SEC16A: variants seen among roughly 807,000 people sequenced by gnomAD.
The protein encoded by SEC16A is protein transport protein Sec16A.
In SEC16A, 110 loss-of-function variants were observed where a neutral mutation model predicts 221.9. The observed-to-expected ratio is 0.50, with a 90% CI of 0.42 to 0.58. The LOEUF (loss-of-function observed/expected upper bound fraction) is 0.58, where lower values mean the gene tolerates loss of function less well. Among genes scored for constraint, SEC16A ranks in the 20% least tolerant of loss-of-function variants. The pLI is 0.00. For missense variants in SEC16A, 3,165 were observed against 3,097.8 expected, an observed-to-expected ratio of 1.02 and a Z score of -0.52; for synonymous variants, 1,393 against 1,257.7, an observed-to-expected ratio of 1.11 and a Z score of -2.28.
chr9:136,475,471 G>A lies in SEC16A; in HGVS notation c.2145C>T (p.Pro715=), dbSNP rs373364757. ...TCGTTGCTGGGCTCTCACACTTCACGGGCCCCTGGGTCCTGGCTGAAGGCC... is the reference window on the plus strand; with the variant it reads ...TCGTTGCTGGGCTCTCACACTTCACAGGCCCCTGGGTCCTGGCTGAAGGCC... ...EKRPSARTQG[P]VKCESPATTL... Residue 715 remains proline, a synonymous_variant, in exon 3 of 32, where the codon CCC becomes CCT. Transcript: ENST00000684901. This position sits in a 1 kb window ranked among gnomAD's most constrained non-coding sequence, Gnocchi z 5.0. 3.5e-5 allele frequency: 56 copies of A among 1,607,354 alleles called. No individual in the cohort carries two copies. The highest frequency in any genetic ancestry group is 6.8e-5 in the Admixed American group (4 of 59,258).
At chr9:136,467,785 G>A (rs1232568258) in intron 5 of SEC16A, among the ~76,000 whole-genome samples, 2 of 152,176 alleles carry the variant, frequency 1.3e-5, no homozygotes, top group East Asian at 3.8e-4. Flanking sequence ...TATCAAAGAG[G>A]ATATTTGATA....
intron 22 of SEC16A, among the ~76,000 whole-genome samples, chr9:136,451,628 A>G (rs996199861): frequency 6.6e-6 from 1 of 152,160 alleles, no homozygotes; most frequent in Non-Finnish European, 1.5e-5. Flanking sequence ...AGCCAGCCGC[A>G]CTTAATAAGC....
At chr9:136,483,112 G>A, upstream of SEC16A, 2 of 756,720 alleles carry the variant, frequency 2.6e-6, no homozygotes, top group South Asian at 5.8e-5. Context: ...CCCGCCCCTG[G>A]CCCCGCCCCT....
At chr9:136,452,485 G>A (rs1311784144) in intron 22 of SEC16A, among the ~76,000 whole-genome samples, 6 of 115,238 alleles carry the variant, frequency 5.2e-5, no homozygotes, top group Non-Finnish European at 1.3e-4. Context: ...AAAAGAGATG[G>A]CCAGGTGCAG....
chr9:136,443,817 A>G lies in SEC16A; in HGVS notation c.7005+6T>C. 1 of 1,608,778 alleles carries G rather than the reference A, an allele frequency of 6.2e-7. No homozygotes were observed. Among genetic ancestry groups the G allele is most frequent in the Middle Eastern group, 1.7e-4 (1 of 6,026 alleles). ...GGTCTCGTAGGGAAAGGTAGGAGTC[A>G]CTCACCTGTGCCAGCTGAGCAGGGT... On this transcript the variant is annotated splice_donor_region_variant and intron_variant, in intron 31 of 31. Transcript: ENST00000684901.
At position 136,457,558 on chromosome 9, in the gene SEC16A, G is replaced by T. The variant is rs780819379; in HGVS notation, c.5436C>A (p.Arg1812=). The T allele has an allele frequency of 1.2e-6, 2 of 1,611,210 alleles. No individual in the cohort carries two copies. Among genetic ancestry groups the T allele is most frequent in the Admixed American group, 3.4e-5 (2 of 59,688 alleles). ...GCGTGGCCAGCCCCATTTCCGCCAGGCGGCAGGAGTAGATGAACTTAAACA... is the reference window on the plus strand; with the variant it reads ...GCGTGGCCAGCCCCATTTCCGCCAGTCGGCAGGAGTAGATGAACTTAAACA... ...FQVFKFIYSC[R]LAEMGLATQA... Residue 1812 remains arginine (R), a synonymous_variant, in exon 18 of 32, where the codon CGC becomes CGA. Transcript: ENST00000684901.
intron 23 of SEC16A, chr9:136,448,882 C>A: frequency 1.4e-6 from 1 of 701,010 alleles, no homozygotes; most frequent in Non-Finnish European, 2.7e-6. Flanking sequence ...GGAGTTGTTT[C>A]GTTTCAAGGA....
chr9:136,480,747 G>A (rs916129953), intron 1 of SEC16A, among the ~76,000 whole-genome samples: 8 of 152,064 alleles, frequency 5.3e-5, no homozygotes, highest in Admixed American at 3.9e-4. Context: ...AAAATTAGCC[G>A]GGCGTGGTGG....
intron 4 of SEC16A, among the ~76,000 whole-genome samples, chr9:136,469,905 C>T (rs549196059): frequency 3.9e-4 from 59 of 152,302 alleles, no homozygotes; most frequent in African/African-American, 1.3e-3. Context: ...CCCTGCTGAC[C>T]GACAGCCTGA....
rs73566974 is a variant in SEC16A at position 136,468,548 on chromosome 9, A to G, written c.3705-36T>C. The G allele has an allele frequency of 1.1e-3, 1,479 of 1,327,758 alleles. 19 individuals are homozygous for G. The African/African-American group carries it at 0.018, about 16-fold the overall frequency. The allele number at this position is 1,327,758 out of a possible 1,614,324, so 82.2% of individuals were successfully genotyped here. A position where few individuals can be genotyped will look rare whatever the true frequency, so the allele number is the denominator to read the frequency against. On this transcript the variant is annotated intron_variant, in intron 4 of 31. Transcript: ENST00000684901. ...ACACAGTGCTGTTAAAACACAAATT[A>G]CCTATTTCTTAAAGTGTGACATCAG...
rs769208792 is a variant in SEC16A, at chr9:136,475,885, C to T, written c.1731G>A (p.Glu577=). ...CACGGTAATTCTGGCTCACAGTGGT[C>T]TCGTCTGTTTCACCTCCTACGGGAG... ...DSSPVGGETD[E]TTVSQNYRGS... Residue 577 remains glutamate (E), a synonymous_variant, in exon 3 of 32, where the codon GAG becomes GAA. Transcript: ENST00000684901. This position sits in a 1 kb window ranked among gnomAD's most constrained non-coding sequence, Gnocchi z 5.0. The T allele has an allele frequency of 6.2e-7, 1 of 1,605,286 alleles. No individual in the cohort carries two copies.
At position 136,475,978 on chromosome 9, in the gene SEC16A, G is replaced by T. The variant is rs777288814; in HGVS notation, c.1638C>A (p.Phe546Leu). The T allele has an allele frequency of 6.2e-7, 1 of 1,613,360 alleles. No homozygotes were observed. The change falls in exon 3 of 32, where the codon TTC (phenylalanine) becomes TTA (leucine). Residue 546 changes from phenylalanine to leucine, a missense_variant. Physicochemically the swap from Phe to Leu is conservative, Grantham distance 22. This residue lies in a region of SEC16A where 2,030 missense variants were observed against 1,923.1 expected (regional missense o/e 1.06). Coordinates refer to ENST00000684901, the MANE Select transcript of SEC16A (RefSeq NM_014866.2). This position sits in a 1 kb window ranked among gnomAD's most constrained non-coding sequence, Gnocchi z 5.0. Reference protein sequence around the residue: ...SARPQELVGTFIQQEVGKPED... With the variant: ...SARPQELVGTLIQQEVGKPED... ...CGGGTTTTCCAACTTCTTGCTGAAT[G>T]AATGTGCCAACCAGCTCCTGGGGCC... is the stretch of plus-strand genomic sequence containing the variant.
At chr9:136,448,681 A>G (rs1336042952) in intron 23 of SEC16A, 2 of 708,180 alleles carry the variant, frequency 2.8e-6, no homozygotes, top group Non-Finnish European at 5.2e-6. Context: ...GGTGGGGAGC[A>G]GATCCAGAGA....
chr9:136,454,246 A>G lies in SEC16A; in HGVS notation c.5939T>C (p.Leu1980Pro), dbSNP rs1838286991. 1.3e-6 allele frequency: 2 copies of G among 1,577,230 alleles called. No individual in the cohort carries two copies. Among genetic ancestry groups the G allele is most frequent in the Non-Finnish European group, 8.6e-7 (1 of 1,161,876 alleles). The change falls in exon 21 of 32, where the codon CTG (leucine) becomes CCG (proline). Residue 1980 changes from leucine (L) to proline (P), a missense_variant. By Grantham distance (98) the Leu-to-Pro change is moderately conservative. Around this residue, in one of 3 missense-constraint regions of SEC16A, gnomAD observed 1,088 missense variants for 1,089.6 expected, o/e 1.00. Coordinates refer to ENST00000684901, the MANE Select transcript of SEC16A (RefSeq NM_014866.2). Reference protein sequence around the residue: ...MFPVPLPPGPLEPGPGCVTPG... With the variant: ...MFPVPLPPGPPEPGPGCVTPG... ...GGTCACACAGCCAGGACCCGGCTCC[A>G]GGGGCCCCGGGGGCAGTGGCACTGG...
At position 136,466,118 on chromosome 9, in the gene SEC16A, G is replaced by A. The variant is rs760431602; in HGVS notation, c.4147C>T (p.His1383Tyr). ...HSHQSQIYRSHNVAAGSYEAP... is the reference protein window; with the variant it reads ...HSHQSQIYRSYNVAAGSYEAP... ...TCGTAGGAACCGGCAGCCACATTGT[G>A]GCTTCTGTAAATCTGACTCTTAGAA... Residue 1383 changes from histidine to tyrosine, a missense_variant, in exon 8 of 32, where the codon CAC (histidine) becomes TAC (tyrosine). His to Tyr is a moderately conservative substitution (Grantham distance 83, BLOSUM62 2). Coordinates refer to ENST00000684901, the MANE Select transcript of SEC16A (RefSeq NM_014866.2). The surrounding 1 kb of genome is among the most constrained non-coding windows in gnomAD (Gnocchi z 5.5). 163 of 1,601,118 alleles carry A rather than the reference G, an allele frequency of 1.0e-4. 1 individual carries two copies. The highest frequency in any genetic ancestry group is 1.3e-4 in the Non-Finnish European group (153 of 1,172,764).
At position 136,441,667 on chromosome 9, in the gene SEC16A, G is replaced by A. The variant is rs1820269205; in HGVS notation, c.*88C>T. On this transcript the variant is annotated 3_prime_UTR_variant, in exon 32 of 32. Coordinates refer to ENST00000684901, the MANE Select transcript of SEC16A (RefSeq NM_014866.2). Reference sequence around the variant, plus strand: ...GAGTCACTGCTGTGTCTCCCTGGGGGCGGGACGGAGATCGCGGAGGTCGGT... The same window carrying A: ...GAGTCACTGCTGTGTCTCCCTGGGGACGGGACGGAGATCGCGGAGGTCGGT... 5.2e-6 allele frequency: 6 copies of A among 1,153,320 alleles called. No homozygotes were observed. In the Admixed American group the frequency reaches 9.0e-5, roughly 17 times the overall value. The allele number at this position is 1,153,320 out of a possible 1,614,324, so 71.4% of individuals were successfully genotyped here.
Position 136,466,261 on chromosome 9 carries a change from T to C in SEC16A, c.4128+3A>G, listed in dbSNP as rs1339322897. On this transcript the variant is annotated splice_donor_region_variant and intron_variant, in intron 7 of 31. Transcript: ENST00000684901. This position sits in a 1 kb window ranked among gnomAD's most constrained non-coding sequence, Gnocchi z 5.5. ...CGCGTGTCTGTGAGGCGCCGCCGCG[T>C]ACCTGGTGCGAGTGGGAGCTGAGGC... 18 of 1,583,780 alleles carry C rather than the reference T, an allele frequency of 1.1e-5. No homozygotes were observed. The highest frequency in any genetic ancestry group is 1.5e-5 in the Non-Finnish European group (17 of 1,164,122).
At chr9:136,465,141 T>C (rs987937769) in intron 8 of SEC16A, among the ~76,000 whole-genome samples, 1 of 145,408 alleles carries the variant, frequency 6.9e-6, no homozygotes, top group African/African-American at 2.6e-5. Context: ...TGAAAAAATG[T>C]TAACTGAAAC....
rs774650233 is a variant in SEC16A, at chr9:136,446,854, C to T, written c.6792+1G>A. On this transcript the variant is annotated splice_donor_variant, in intron 28 of 31. Transcript: ENST00000684901. LOFTEE classifies it high-confidence loss of function. Reference sequence around the variant, plus strand: ...TCCCCTTTCCCACCGTACCCGCTCACCTTGGGCTCTGGGGCAGGCTCTGGA... The same window carrying T: ...TCCCCTTTCCCACCGTACCCGCTCATCTTGGGCTCTGGGGCAGGCTCTGGA... The T allele has an allele frequency of 6.2e-7, 1 of 1,603,186 alleles. No homozygotes were observed. The highest frequency in any genetic ancestry group is 8.5e-7 in the Non-Finnish European group (1 of 1,176,130).
Sources: gnomAD v4.1 joint callset for allele counts (sites outside exome capture counted in the v4.1 genomes callset) on GRCh38, gnomAD v4.1.1 for gene constraint, gnomAD v4.1.1 regional missense constraint, Gnocchi (gnomAD v3.1) non-coding constraint, MANE v1.5 for transcripts, NCBI Gene and HGNC (gene_info 2026-07-23, HGNC 2026-07-21) for gene names.